RAD21: variants seen among roughly 807,000 people sequenced by gnomAD.
RAD21 encodes the protein double-strand-break repair protein rad21 homolog.
A neutral mutation model predicts 71.5 loss-of-function variants in RAD21; 18 were observed. The observed-to-expected ratio is 0.25, with a 90% confidence interval of 0.17 to 0.37. The LOEUF (loss-of-function observed/expected upper bound fraction) is 0.37. RAD21 is among the 10% of genes least tolerant of loss of function. The pLI is 1.00. For missense variants in RAD21, 493 were observed against 769.1 expected (o/e 0.64, Z 4.25); for synonymous variants, 248 against 254.0 (o/e 0.98, Z 0.22).
intron 4 of RAD21, among the ~76,000 whole-genome samples, chr8:116,859,065 T>C (rs1193813204): frequency 6.6e-5 from 10 of 150,762 alleles, no homozygotes; most frequent in Middle Eastern, 3.2e-3. Flanking sequence ...CAGATGCAGT[T>C]TGTAGACTTT....
At chr8:116,848,804 A>C (rs1192318023) in intron 13 of RAD21, 142 bp downstream of exon 13, 1 of 489,436 alleles carries the variant, frequency 2.0e-6, no homozygotes, top group East Asian at 3.4e-5. Context: ...AGAAAAAATA[A>C]ATAAATAAAT....
chr8:116,870,534 T>A (rs1190398603), intron 1 of RAD21, among the ~76,000 whole-genome samples: 20 of 152,208 alleles, frequency 1.3e-4, no homozygotes, highest in Non-Finnish European at 1.5e-5. Flanking sequence ...GAGCCTCCTA[T>A]GTTTCAAATC....
chr8:116,862,967 G>T, intron 3 of RAD21, 163 bp downstream of exon 3: 2 of 836,120 alleles, frequency 2.4e-6, no homozygotes, highest in Non-Finnish European at 3.4e-6. Context: ...CTCCCTTGAA[G>T]CACTGCCTCC....
chr8:116,873,212 T>G (rs566854588), intron 1 of RAD21, among the ~76,000 whole-genome samples: 1 of 152,348 alleles, frequency 6.6e-6, no homozygotes, highest in South Asian at 2.1e-4. Flanking sequence ...TTCTTAGAAT[T>G]TGTATGTTTC....
chr8:116,851,928 G>GT lies in RAD21; in HGVS notation c.1470+19_1470+20insA, dbSNP rs1812357347. 1 of 1,594,328 alleles carries GT rather than the reference G, an allele frequency of 6.3e-7. No homozygotes were observed. The highest frequency in any genetic ancestry group is 8.6e-7 in the Non-Finnish European group (1 of 1,165,262). On this transcript the variant is annotated intron_variant, in intron 11 of 13. Coordinates refer to ENST00000297338, the MANE Select transcript of RAD21 (RefSeq NM_006265.3). Reference sequence around the variant, plus strand: ...TATGAATACCTTCAAATGACTTAATGGATAGATTTGCTTACTTACAGGCAT... The same window carrying GT: ...TATGAATACCTTCAAATGACTTAATGTGATAGATTTGCTTACTTACAGGCAT...
rs1230958195 is a variant in RAD21 at position 116,857,343 on chromosome 8, C to A, written c.612G>T (p.Glu204Asp). 1 of 1,612,270 alleles carries A rather than the reference C, an allele frequency of 6.2e-7. No homozygotes were observed. The highest frequency in any genetic ancestry group is 8.5e-7 in the Non-Finnish European group (1 of 1,179,434). Residue 204 changes from glutamate to aspartate, a missense_variant, in exon 6 of 14, where the codon GAG (glutamate) becomes GAT (aspartate). Coordinates refer to ENST00000297338, the MANE Select transcript of RAD21 (RefSeq NM_006265.3). ...ESEQSTSNLN[E>D]KINHLEYEDQ... The stretch of plus-strand genomic sequence containing the variant: ...CTTCATATTCTAAATGGTTAATTTT[C>A]TCATTCAGATTGCTGGTGCTCTGTT...
chr8:116,852,219 A>G, intron 10 of RAD21, 123 bp from the exon 11 acceptor site: 1 of 979,534 alleles, frequency 1.0e-6, no homozygotes, highest in Non-Finnish European at 1.4e-6. Flanking sequence ...GAAGAAGGCC[A>G]GATAAAATTT....
At position 116,874,694 on chromosome 8, in the gene RAD21, C is replaced by T. The variant is rs1812935253; in HGVS notation, c.-116G>A. 2.4e-6 allele frequency: 1 copy of T among 425,134 alleles called. No individual in the cohort carries two copies. The highest frequency in any genetic ancestry group is 2.0e-5 in the African/African-American group (1 of 49,154). 26.3% of individuals were successfully genotyped at this position (425,134 alleles called of 1,614,324 possible). A position where few individuals can be genotyped will look rare whatever the true frequency, so the allele number is the denominator to read the frequency against. On this transcript the variant is annotated 5_prime_UTR_variant, in exon 1 of 14. Coordinates refer to ENST00000297338, the MANE Select transcript of RAD21 (RefSeq NM_006265.3). ...GGGAGGGGGTGGGGAAAGGGGGGAGCCCTTGCGAGGTGTAGCTTCCGAGCA... is the reference window on the plus strand; with the variant it reads ...GGGAGGGGGTGGGGAAAGGGGGGAGTCCTTGCGAGGTGTAGCTTCCGAGCA...
chr8:116,857,061 A>G (rs1257745285), intron 6 of RAD21, among the ~76,000 whole-genome samples: 2 of 152,202 alleles, frequency 1.3e-5, no homozygotes, highest in Admixed American at 1.3e-4. Flanking sequence ...AATAAAATTT[A>G]GCATTCTGAG....
chr8:116,857,603 A>G, intron 5 of RAD21, 130 bp from the exon 6 acceptor site: 1 of 805,260 alleles, frequency 1.2e-6, no homozygotes, highest in Non-Finnish European at 1.9e-6. Flanking sequence ...ATGTTAAAAT[A>G]TCTAGTTTAA....
chr8:116,856,391 A>T (rs1247101172), intron 7 of RAD21, 103 bp from the exon 8 acceptor site: 1 of 1,342,810 alleles, frequency 7.4e-7, no homozygotes, highest in Admixed American at 3.1e-5. Context: ...AATGGAAAGA[A>T]ATCCTGTTAT....
At chr8:116,848,075 T>C (rs1812280913) in intron 13 of RAD21, among the ~76,000 whole-genome samples, 1 of 152,214 alleles carries the variant, frequency 6.6e-6, no homozygotes, top group Non-Finnish European at 1.5e-5. Context: ...TTGCTTCTTG[T>C]ATAGTCTGCA....
rs1383139643 is a variant in RAD21, at chr8:116,863,151, T to C, written c.253A>G (p.Ile85Val). 6.2e-7 allele frequency: 1 copy of C among 1,606,296 alleles called. No individual in the cohort carries two copies. The highest frequency in any genetic ancestry group is 8.5e-7 in the Non-Finnish European group (1 of 1,174,836). ...LADCNEAFIKIKMAFRPGVVD... is the reference protein window; with the variant it reads ...LADCNEAFIKVKMAFRPGVVD... The stretch of plus-strand genomic sequence containing the variant: ...ATACCTGGCCGAAAAGCCATCTTTA[T>C]CTTAATGAATGCTTCATTACAGTCT... Residue 85 changes from isoleucine to valine, a missense_variant, in exon 3 of 14, where the codon ATA becomes GTA. Physicochemically the swap from Ile to Val is conservative, Grantham distance 29. Transcript: ENST00000297338.
chr8:116,862,943 C>T (rs542139958), intron 3 of RAD21, among the ~76,000 whole-genome samples, 187 bp downstream of exon 3: 27 of 152,206 alleles, frequency 1.8e-4, no homozygotes, highest in Admixed American at 1.4e-3. Context: ...GGAGAACAGA[C>T]GCAAGTAGGT....
At chr8:116,870,674 T>C (rs371093631) in intron 1 of RAD21, among the ~76,000 whole-genome samples, 5 of 152,306 alleles carry the variant, frequency 3.3e-5, no homozygotes, top group Non-Finnish European at 7.4e-5. Flanking sequence ...ATCGCTGTTG[T>C]ACAGGACAAG....
At chr8:116,858,831 T>C (rs180747089) in intron 4 of RAD21, among the ~76,000 whole-genome samples, 72 of 152,202 alleles carry the variant, frequency 4.7e-4, no homozygotes, top group African/African-American at 1.6e-3. Flanking sequence ...ACTCAGTTTC[T>C]TTCTCTAATA....
chr8:116,857,447 T>C lies in RAD21; in HGVS notation c.508A>G (p.Ile170Val). 1 of 1,613,298 alleles carries C rather than the reference T, an allele frequency of 6.2e-7. No homozygotes were observed. Among genetic ancestry groups the C allele is most frequent in the East Asian group, 2.2e-5 (1 of 44,800 alleles). The change falls in exon 6 of 14, where the codon ATA (isoleucine) becomes GTA (valine). Residue 170 changes from isoleucine (I) to valine (V), a missense_variant. Coordinates refer to ENST00000297338, the MANE Select transcript of RAD21 (RefSeq NM_006265.3). ...FGDFGMDDRE[I>V]MREGSAFEDD... ...TCAAAAGCACTGCCTTCTCTCATTATCTCACGATCATCCATTCCAAAATCA... is the reference window on the plus strand; with the variant it reads ...TCAAAAGCACTGCCTTCTCTCATTACCTCACGATCATCCATTCCAAAATCA...
rs200021994 is a variant in RAD21, at chr8:116,847,632, C to T, written c.1764G>A (p.Thr588=). 6.8e-6 allele frequency: 11 copies of T among 1,613,846 alleles called. No individual in the cohort carries two copies. Among genetic ancestry groups the T allele is most frequent in the East Asian group, 2.2e-5 (1 of 44,890 alleles). Residue 588 remains threonine, a synonymous_variant, in exon 14 of 14, where the codon ACG becomes ACA. Transcript: ENST00000297338. The part of the protein sequence containing the change: ...SISLLELCRN[T]NRKQAAAKFY... ...ACTTTGCGGCAGCTTGTTTTCTGTT[C>T]GTATTTCGACATAACTCAAGCAAAC...
intron 1 of RAD21, among the ~76,000 whole-genome samples, chr8:116,872,198 T>C (rs545274725): frequency 9.2e-5 from 14 of 152,322 alleles, no homozygotes; most frequent in Non-Finnish European, 1.8e-4. Flanking sequence ...GGGATGTTAG[T>C]AGGTTATATG....
Sources: gnomAD v4.1 joint callset for allele counts (sites outside exome capture counted in the v4.1 genomes callset) on GRCh38, gnomAD v4.1.1 for gene constraint, MANE v1.5 for transcripts, NCBI Gene and HGNC (gene_info 2026-07-23, HGNC 2026-07-21) for gene names.